The following TMEM47 variants were observed in gnomAD, a reference collection of about 807,000 sequenced individuals.
TMEM47 encodes the protein transmembrane protein 47.
TMEM47 carries 3 observed loss-of-function variants against 12.4 expected under a neutral mutation model. The ratio of observed to expected loss-of-function variants is 0.24; its 90% CI spans 0.11 to 0.63. TMEM47 has a LOEUF of 0.63. Among genes scored for constraint, TMEM47 ranks in the 20% least tolerant of loss-of-function variants. TMEM47 has a pLI of 0.86. For missense variants in TMEM47, 89 were observed against 143.8 expected, an observed-to-expected ratio of 0.62 and a Z score of 1.95; for synonymous variants, 62 against 63.3, an observed-to-expected ratio of 0.98 and a Z score of 0.10.
At position 34,641,480 on chromosome X, in the gene TMEM47, C is replaced by T. The variant is rs192713932; in HGVS notation, c.227-2093G>A. ...TTTAAATCAAAATGTAACTAAATATCTACCCATATAAAATATCTTAAAGTG... is the reference window on the plus strand; with the variant it reads ...TTTAAATCAAAATGTAACTAAATATTTACCCATATAAAATATCTTAAAGTG... On this transcript the variant is annotated intron_variant, in intron 1 of 2. Coordinates refer to ENST00000275954, the MANE Select transcript of TMEM47 (RefSeq NM_031442.4). 6.4e-3 allele frequency among the ~76,000 whole-genome samples: 711 copies of T among 111,663 alleles called. 3 individuals are homozygous for T. Among genetic ancestry groups the T allele is most frequent in the South Asian group, 0.029 (79 of 2,689 alleles).
chrX:34,630,867 T>C (rs1363184184), intron 2 of TMEM47, among the ~76,000 whole-genome samples: 1 of 109,971 alleles, frequency 9.1e-6, no homozygotes, highest in Admixed American at 9.8e-5. Flanking sequence ...ACCGTATAAG[T>C]AGCTCCTCAA....
chrX:34,631,203 G>C (rs1255643226), intron 2 of TMEM47, among the ~76,000 whole-genome samples: 146 of 26,771 alleles, frequency 5.5e-3, no homozygotes, highest in Middle Eastern at 0.027. Context: ...AAAAAAAAAA[G>C]AATAGTGACC....
rs1055765886 is a variant in TMEM47, at chrX:34,628,305, C to A, written c.*2008G>T. 8.9e-6 allele frequency: 1 copy of A among 111,843 alleles called. No individual in the cohort carries two copies. The highest frequency in any genetic ancestry group is 3.2e-5 in the African/African-American group (1 of 30,787). The allele number at this position is 111,843 out of a possible 1,213,427, so 9.2% of individuals were successfully genotyped here. The stretch of plus-strand genomic sequence containing the variant: ...CAATTAACTGCAAGACACTCTGCCC[C>A]AGATTTTACTATTTCTCAAAAAATT... On this transcript the variant is annotated 3_prime_UTR_variant, in exon 3 of 3. Coordinates refer to ENST00000275954, the MANE Select transcript of TMEM47 (RefSeq NM_031442.4).
intron 1 of TMEM47, among the ~76,000 whole-genome samples, chrX:34,655,786 G>GAGAGAA (rs1922095810): frequency 9.0e-6 from 1 of 110,653 alleles, no homozygotes; most frequent in African/African-American, 3.3e-5. Context: ...GAGAGAGAGA[G>GAGAGAA]AGAGAAAGAG....
rs1922123310 is a variant in TMEM47, at chrX:34,656,990, A to C, written c.40T>G (p.Ser14Ala). 1.7e-6 allele frequency: 2 copies of C among 1,171,180 alleles called. No homozygotes were observed. Among genetic ancestry groups the C allele is most frequent in the African/African-American group, 3.6e-5 (2 of 55,799 alleles). ...AGSGMEEVRV[S>A]VLTPLKLVGL... ...ACCAGCTTCAAGGGGGTCAGCACCG[A>C]CACGCGCACCTCCTCCATGCCGCTG... The change falls in exon 1 of 3, where the codon TCG becomes GCG. Residue 14 changes from serine to alanine, a missense_variant. Coordinates refer to ENST00000275954, the MANE Select transcript of TMEM47 (RefSeq NM_031442.4).
intron 1 of TMEM47, 76 bp downstream of exon 1, chrX:34,656,728 G>A: frequency 8.8e-7 from 1 of 1,130,774 alleles, no homozygotes; most frequent in East Asian, 3.3e-5. Flanking sequence ...GTGGGGACAG[G>A]CGGTGACTGT....
intron 2 of TMEM47, among the ~76,000 whole-genome samples, chrX:34,638,510 G>A (rs1300195739): frequency 2.7e-5 from 3 of 112,007 alleles, no homozygotes; most frequent in Non-Finnish European, 5.6e-5. Flanking sequence ...AGTCACAGAA[G>A]CTTACTTTGC....
intron 2 of TMEM47, among the ~76,000 whole-genome samples, chrX:34,637,684 T>C (rs73465254): frequency 0.045 from 4,947 of 110,679 alleles, 261 homozygotes; most frequent in African/African-American, 0.15. Flanking sequence ...CATGCCTTAG[T>C]CATTTTTATA....
intron 2 of TMEM47, among the ~76,000 whole-genome samples, chrX:34,637,364 T>C (rs1175373103): frequency 1.8e-5 from 2 of 111,128 alleles, no homozygotes; most frequent in African/African-American, 6.5e-5. Context: ...ATAATCTGTT[T>C]GGCTATCTTT....
At chrX:34,641,777 T>C (rs1601966585) in intron 1 of TMEM47, among the ~76,000 whole-genome samples, 1 of 112,741 alleles carries the variant, frequency 8.9e-6, no homozygotes, top group East Asian at 2.8e-4. Context: ...TGGTCTCTGT[T>C]GTACCCACTC....
At position 34,652,324 on chromosome X, in the gene TMEM47, T is replaced by C. The variant is rs996719101; in HGVS notation, c.226+4480A>G. 5.3e-5 allele frequency among the ~76,000 whole-genome samples: 6 copies of C among 112,290 alleles called. No homozygotes were observed. The East Asian group carries it at 8.4e-4, about 16-fold the overall frequency. On this transcript the variant is annotated intron_variant, in intron 1 of 2. Transcript: ENST00000275954. ...CCAGAGACACATTTTGAAGCATCTA[T>C]ATTCCTTTCACTAGCATGTCTAGTA... is the stretch of plus-strand genomic sequence containing the variant.
intron 2 of TMEM47, among the ~76,000 whole-genome samples, chrX:34,637,797 C>T (rs1484954446): frequency 9.0e-6 from 1 of 111,012 alleles, no homozygotes; most frequent in African/African-American, 3.3e-5. Context: ...TGTTTCCAAG[C>T]GGTAGTAGTA....
At position 34,628,077 on chromosome X, in the gene TMEM47, C is replaced by T. The variant is rs1182577307; in HGVS notation, c.*2236G>A. ...TTGTCATATTGACAGAGAATGAAAA[C>T]TTGATAAGACTCGAGATGTGATGAT... On this transcript the variant is annotated 3_prime_UTR_variant, in exon 3 of 3. Coordinates refer to ENST00000275954, the MANE Select transcript of TMEM47 (RefSeq NM_031442.4). 1 of 111,764 alleles carries T rather than the reference C, an allele frequency of 8.9e-6. No homozygotes were observed. Among genetic ancestry groups the T allele is most frequent in the Admixed American group, 9.6e-5 (1 of 10,469 alleles). 9.2% of individuals were successfully genotyped at this position (111,764 alleles called of 1,213,427 possible).
rs1473267292 is a variant in TMEM47, at chrX:34,628,391, T to A, written c.*1922A>T. 8.9e-6 allele frequency: 1 copy of A among 112,172 alleles called. No homozygotes were observed. Among genetic ancestry groups the A allele is most frequent in the East Asian group, 2.8e-4 (1 of 3,574 alleles). The allele number at this position is 112,172 out of a possible 1,213,427, so 9.2% of individuals were successfully genotyped here. A position where few individuals can be genotyped will look rare whatever the true frequency, so the allele number is the denominator to read the frequency against. On this transcript the variant is annotated 3_prime_UTR_variant, in exon 3 of 3. Coordinates refer to ENST00000275954, the MANE Select transcript of TMEM47 (RefSeq NM_031442.4). The stretch of plus-strand genomic sequence containing the variant: ...AATTTCCACTCATAATTTCTAATGA[T>A]TCTTTATAGAATCATATATTTTTAT...
Position 34,630,148 on chromosome X carries a change from A to C in TMEM47, c.*165T>G. 2 of 444,399 alleles carry C rather than the reference A, an allele frequency of 4.5e-6. No individual in the cohort carries two copies. Among genetic ancestry groups the C allele is most frequent in the South Asian group, 1.3e-4 (2 of 14,882 alleles). The allele number at this position is 444,399 out of a possible 1,213,427, so 36.6% of individuals were successfully genotyped here. On this transcript the variant is annotated 3_prime_UTR_variant, in exon 3 of 3. Transcript: ENST00000275954. ...TGTGCAGATTTCTAAAATGGATGTA[A>C]AAGCTGGTTATGATGTTGACAGCCA...
rs1472306431 is a variant in TMEM47, at chrX:34,627,951, G to GCT, written c.*2360_*2361dup. The GCT allele has an allele frequency of 9.0e-6, 1 of 111,691 alleles. No individual in the cohort carries two copies. The highest frequency in any genetic ancestry group is 3.8e-4 in the South Asian group (1 of 2,624). The allele number at this position is 111,691 out of a possible 1,213,427, so 9.2% of individuals were successfully genotyped here. ...AGTGATGGTAGAAATCTAGTGTAGG[G>GCT]CTCTTTGCTGAGAAGGGAAAAAAGT... On this transcript the variant is annotated 3_prime_UTR_variant, in exon 3 of 3. Coordinates refer to ENST00000275954, the MANE Select transcript of TMEM47 (RefSeq NM_031442.4).
At chrX:34,652,080 T>C (rs937563007) in intron 1 of TMEM47, among the ~76,000 whole-genome samples, 1 of 112,307 alleles carries the variant, frequency 8.9e-6, no homozygotes, top group African/African-American at 3.2e-5. Flanking sequence ...GGTCACATGA[T>C]TGGTAAGTGG....
intron 1 of TMEM47, among the ~76,000 whole-genome samples, chrX:34,646,931 A>T (rs1448349921): frequency 9.0e-6 from 1 of 111,511 alleles, no homozygotes; most frequent in Non-Finnish European, 1.9e-5. Context: ...TTTAATTATT[A>T]ATAATTTGTT....
chrX:34,636,904 A>G (rs754802203), intron 2 of TMEM47, among the ~76,000 whole-genome samples: 1 of 111,912 alleles, frequency 8.9e-6, no homozygotes, highest in African/African-American at 3.2e-5. Context: ...ATATGTACTG[A>G]AGTAAAGATA....
Sources: gnomAD v4.1 joint callset for allele counts (sites outside exome capture counted in the v4.1 genomes callset) on GRCh38, gnomAD v4.1.1 for gene constraint, MANE v1.5 for transcripts, NCBI Gene and HGNC (gene_info 2026-07-23, HGNC 2026-07-21) for gene names.